The following PKD1 variants were observed in gnomAD, a reference collection of about 807,000 sequenced individuals.
The protein encoded by PKD1 is polycystin-1.
Under a neutral mutation model 361.7 loss-of-function variants are expected in PKD1, and 81 were observed. That is an observed-to-expected ratio of 0.22 (90% CI 0.19 to 0.27). The LOEUF (loss-of-function observed/expected upper bound fraction) is 0.27, where lower values mean the gene tolerates loss of function less well. Among genes scored for constraint, PKD1 ranks in the 10% least tolerant of loss-of-function variants. The pLI is 1.00. For synonymous variants in PKD1, 3,615 were observed against 2,818.3 expected (o/e 1.28, Z -8.95); for missense variants, 6,399 against 6,118.3 (o/e 1.05, Z -1.53).
rs2092390282 is a variant in PKD1, at chr16:2,107,666, C to T, written c.7065+217G>A. ...TTGCTAGGGGACTGTGTAGCTTTTGCCACTAGAGCATATGTGGCTTGAAGA... is the reference window on the plus strand; with the variant it reads ...TTGCTAGGGGACTGTGTAGCTTTTGTCACTAGAGCATATGTGGCTTGAAGA... On this transcript the variant is annotated intron_variant, in intron 16 of 45. Coordinates refer to ENST00000262304, the MANE Select transcript of PKD1 (RefSeq NM_001009944.3). 17 of 626,940 alleles carry T rather than the reference C, an allele frequency of 2.7e-5. No individual in the cohort carries two copies. In the East Asian group the frequency reaches 3.9e-4, roughly 14 times the overall value. The allele number at this position is 626,940 out of a possible 1,614,324, so 38.8% of individuals were successfully genotyped here.
In PKD1 at chr16:2,088,801, G is replaced by GGT; in HGVS notation, c.*924_*925dup. On this transcript the variant is annotated 3_prime_UTR_variant, in exon 46 of 46. Transcript: ENST00000262304. ...TAGAAGCGGCCATGCCCACAGAAGT[G>GGT]GTACACAGAAGCAGGCACAGCCAGC... The GGT allele has an allele frequency of 1.3e-6, 1 of 770,896 alleles. No homozygotes were observed. The highest frequency in any genetic ancestry group is 1.8e-5 in the South Asian group (1 of 54,456). The allele number at this position is 770,896 out of a possible 1,614,324, so 47.8% of individuals were successfully genotyped here. A position where few individuals can be genotyped will look rare whatever the true frequency, so the allele number is the denominator to read the frequency against.
rs748581035 is a variant in PKD1, at chr16:2,090,833, T to C, written c.12004-25A>G. ...CCTGCGGACGAGAAATCTGTCTGCT[T>C]GCAGCCCTGGGGTGTGCGCCCAGCC... On this transcript the variant is annotated intron_variant, in intron 43 of 45. Coordinates refer to ENST00000262304, the MANE Select transcript of PKD1 (RefSeq NM_001009944.3). The C allele has an allele frequency of 1.9e-6, 3 of 1,611,460 alleles. No individual in the cohort carries two copies. In the African/African-American group the frequency reaches 4.0e-5, roughly 22 times the overall value.
intron 40 of PKD1, 50 bp from the exon 41 acceptor site, chr16:2,091,956 C>T (rs1174809560): frequency 6.2e-7 from 1 of 1,611,854 alleles, no homozygotes; most frequent in South Asian, 1.1e-5. Flanking sequence ...TTCCGGCACC[C>T]CGGAGCCAGG....
intron 7 of PKD1, 75 bp from the exon 8 acceptor site, chr16:2,116,719 C>A (rs186815115): frequency 5.9e-6 from 7 of 1,189,080 alleles, no homozygotes; most frequent in African/African-American, 1.5e-5. Context: ...GGGACCGAGC[C>A]GCCCGAAAAC....
Position 2,110,530 on chromosome 16 carries a change from C to T in PKD1, c.4637G>A (p.Arg1546Gln), listed in dbSNP as rs371196452. ...SEAWLNVTVK[R>Q]RVRGLVVNAS... ...ATTGACGACGAGCCCCCGCACGCGC[C>T]GCTTCACCGTCACATTGAGCCAGGC... The change falls in exon 15 of 46, where the codon CGG becomes CAG. Residue 1546 changes from arginine to glutamine, a missense_variant. Transcript: ENST00000262304. 32 of 1,611,568 alleles carry T rather than the reference C, an allele frequency of 2.0e-5. No individual in the cohort carries two copies. Among genetic ancestry groups the T allele is most frequent in the South Asian group, 1.3e-4 (12 of 91,044 alleles).
At position 2,106,010 on chromosome 16, in the gene PKD1, G is replaced by A; in HGVS notation, c.7718C>T (p.Thr2573Ile). Reference protein sequence around the residue: ...VVALNRSLAITLPEPNGSATG... With the variant: ...VVALNRSLAIILPEPNGSATG... ...TGCGCTGCCGTTGGGCTCTGGGAGG[G>A]TGATGGCCAAAGACCTACGAGCAGA... is the stretch of plus-strand genomic sequence containing the variant. Residue 2573 changes from threonine (T) to isoleucine (I), a missense_variant, in exon 20 of 46, where the codon ACC becomes ATC. Physicochemically the swap from Thr to Ile is moderately conservative, Grantham distance 89 (BLOSUM62 -1). Transcript: ENST00000262304. This position sits in a 1 kb window ranked among gnomAD's most constrained non-coding sequence, Gnocchi z 6.5. 3 of 1,605,712 alleles carry A rather than the reference G, an allele frequency of 1.9e-6. No homozygotes were observed. The highest frequency in any genetic ancestry group is 2.3e-4 in the Middle Eastern group (1 of 4,426).
chr16:2,088,834 G>A lies in PKD1; in HGVS notation c.*893C>T, dbSNP rs1192763886. The A allele has an allele frequency of 1.6e-6, 1 of 612,918 alleles. No individual in the cohort carries two copies. The highest frequency in any genetic ancestry group is 2.8e-6 in the Non-Finnish European group (1 of 353,626). The allele number at this position is 612,918 out of a possible 1,614,324, so 38.0% of individuals were successfully genotyped here. A position where few individuals can be genotyped will look rare whatever the true frequency, so the allele number is the denominator to read the frequency against. On this transcript the variant is annotated 3_prime_UTR_variant, in exon 46 of 46. Transcript: ENST00000262304. ...GAAGCAGGCACAGCCAGCTCCGAGG[G>A]CCTTGAGGCTGCCTGGGCCATACAG...
At position 2,088,923 on chromosome 16, in the gene PKD1, C is replaced by T; in HGVS notation, c.*804G>A. The T allele has an allele frequency of 5.2e-6, 2 of 385,846 alleles. No homozygotes were observed. The highest frequency in any genetic ancestry group is 4.3e-5 in the Admixed American group (1 of 23,380). The allele number at this position is 385,846 out of a possible 1,614,324, so 23.9% of individuals were successfully genotyped here. On this transcript the variant is annotated 3_prime_UTR_variant, in exon 46 of 46. Transcript: ENST00000262304. ...CAGTCACCTTCCTCCACCCTGGGAG[C>T]CAGCCCCCAGGAGGAGTCTTTTCCT...
At chr16:2,090,834 G>A (rs368458143) in intron 43 of PKD1, 26 bp from the exon 44 acceptor site, 11 of 1,611,286 alleles carry the variant, frequency 6.8e-6, no homozygotes, top group South Asian at 1.1e-5. Context: ...CTGTCTGCTT[G>A]CAGCCCTGGG....
intron 1 of PKD1, among the ~76,000 whole-genome samples, chr16:2,126,921 T>C (rs2092806755): frequency 6.6e-6 from 1 of 151,986 alleles, no homozygotes; most frequent in African/African-American, 2.4e-5. Flanking sequence ...GACCCACATT[T>C]GGCAGCGGTG....
chr16:2,106,242 G>A lies in PKD1; in HGVS notation c.7552C>T (p.Arg2518Cys), dbSNP rs769524477. The A allele has an allele frequency of 8.6e-5, 139 of 1,610,112 alleles. No individual in the cohort carries two copies. The highest frequency in any genetic ancestry group is 1.1e-4 in the South Asian group (10 of 90,972). ...LVYALLLRRC[R>C]QGHCEEFCVY... is the part of the protein sequence containing the mutation. ...CAGAACTCCTCGCAGTGGCCCTGGC[G>A]ACAGCGCCGCAGCAGCAGGGCGTAC... Residue 2518 changes from arginine to cysteine, a missense_variant, in exon 19 of 46, where the codon CGC becomes TGC. Coordinates refer to ENST00000262304, the MANE Select transcript of PKD1 (RefSeq NM_001009944.3). The surrounding 1 kb of genome is among the most constrained non-coding windows in gnomAD (Gnocchi z 6.5).
chr16:2,094,077 G>A lies in PKD1; in HGVS notation c.10618+15C>T, dbSNP rs201131291. 6.3e-7 allele frequency: 1 copy of A among 1,586,256 alleles called. No individual in the cohort carries two copies. ...AGGGAGGGGCTAGGGGCATCCCGGG[G>A]CTACGCAAGCACACCTGTCCTGGAC... On this transcript the variant is annotated intron_variant, in intron 35 of 45. Transcript: ENST00000262304.
Position 2,102,104 on chromosome 16 carries a change from G to A in PKD1, c.9354C>T (p.Phe3118=). 3.2e-6 allele frequency: 5 copies of A among 1,568,242 alleles called. No homozygotes were observed. Among genetic ancestry groups the A allele is most frequent in the Non-Finnish European group, 4.3e-6 (5 of 1,150,822 alleles). ...CTGTCTTGACGAGGATCTCGTACTTGAAGCGGCCCCGCTGCCCACAGAAAG... is the reference window on the plus strand; with the variant it reads ...CTGTCTTGACGAGGATCTCGTACTTAAAGCGGCCCCGCTGCCCACAGAAAG... ...AIPFCGQRGR[F]KYEILVKTGW... The change falls in exon 26 of 46, where the codon TTC becomes TTT. Residue 3118 remains phenylalanine (F), a synonymous_variant. Transcript: ENST00000262304.
Position 2,091,411 on chromosome 16 carries a change from G to T in PKD1, c.11712+12C>A. On this transcript the variant is annotated intron_variant, in intron 42 of 45. Transcript: ENST00000262304. ...GGTGGGAGGCGCGGGGTCTGGCCGG[G>T]GACGGGCGTACCGAGGTGAGCAGAG... 1 of 1,140,818 alleles carries T rather than the reference G, an allele frequency of 8.8e-7. No homozygotes were observed. The highest frequency in any genetic ancestry group is 4.9e-5 in the East Asian group (1 of 20,352). 70.7% of individuals were successfully genotyped at this position (1,140,818 alleles called of 1,614,324 possible).
chr16:2,108,567 G>A lies in PKD1; in HGVS notation c.6600C>T (p.Arg2200=), dbSNP rs1478866464. Residue 2200 remains arginine (R), a synonymous_variant, in exon 15 of 46, where the codon CGC becomes CGT. Coordinates refer to ENST00000262304, the MANE Select transcript of PKD1 (RefSeq NM_001009944.3). The part of the protein sequence containing the change: ...YRTASCQRPG[R]PARVALPGVD... ...CGCCGGGCAGGGCCACACGCGCTGGGCGCCCCGGCCGCTGGCAGCTGGCGG... is the reference window on the plus strand; with the variant it reads ...CGCCGGGCAGGGCCACACGCGCTGGACGCCCCGGCCGCTGGCAGCTGGCGG... The A allele has an allele frequency of 4.4e-6, 7 of 1,575,366 alleles. No individual in the cohort carries two copies. The highest frequency in any genetic ancestry group is 6.0e-6 in the Non-Finnish European group (7 of 1,160,818).
In PKD1 at chr16:2,115,798, G is replaced by A. The variant is rs566129236; in HGVS notation, c.1850-173C>T. On this transcript the variant is annotated intron_variant, in intron 9 of 45. Coordinates refer to ENST00000262304, the MANE Select transcript of PKD1 (RefSeq NM_001009944.3). ...TCCGGCCAGCCGACTGACCCAGGCC[G>A]GCCCCCAGGCAGGCCCCACCCAATC... Among the ~76,000 whole-genome samples the A allele has an allele frequency of 3.1e-3, 467 of 152,270 alleles. 2 individuals are homozygous for A. Among genetic ancestry groups the A allele is most frequent in the African/African-American group, 0.01 (434 of 41,546 alleles).
In PKD1 at chr16:2,108,522, C is replaced by T. The variant is rs1189145676; in HGVS notation, c.6645G>A (p.Arg2215=). The T allele has an allele frequency of 1.2e-6, 2 of 1,609,058 alleles. No individual in the cohort carries two copies. Among genetic ancestry groups the T allele is most frequent in the Non-Finnish European group, 1.7e-6 (2 of 1,179,102 alleles). The change falls in exon 15 of 46, where the codon CGG becomes CGA. Residue 2215 remains arginine (R), a synonymous_variant. Transcript: ENST00000262304. ...GCAGCGCCAGCCGCGGCAGCACCAGCCGAGGCCGGCTCACGTCCACGCCGG... is the reference window on the plus strand; with the variant it reads ...GCAGCGCCAGCCGCGGCAGCACCAGTCGAGGCCGGCTCACGTCCACGCCGG... ...ALPGVDVSRP[R]LVLPRLALPV... is the part of the protein sequence containing the mutation.
rs760879762 is a variant in PKD1, at chr16:2,105,951, C to T, written c.7777G>A (p.Ala2593Thr). ...CGCAGCAGCCCTGGGAGCACACTAG[C>T]GGTGAGCCCGTGCAGCCAGACTGTG... Reference protein sequence around the residue: ...GLTVWLHGLTASVLPGLLRQA... With the variant: ...GLTVWLHGLTTSVLPGLLRQA... The change falls in exon 20 of 46, where the codon GCT becomes ACT. Residue 2593 changes from alanine to threonine, a missense_variant. By Grantham distance (58) the Ala-to-Thr change is moderately conservative. Transcript: ENST00000262304. 2.0e-5 allele frequency: 32 copies of T among 1,599,010 alleles called. No homozygotes were observed. In the Admixed American group the frequency reaches 3.7e-4, roughly 18 times the overall value.
In PKD1 at chr16:2,097,912, C is replaced by T. The variant is rs371283948; in HGVS notation, c.10123G>A (p.Val3375Met). ...LDIDSCLDSS[V>M]LDSSFLTFSG... ...AACGTGAGGAAGGAGCTGTCCAGCA[C>T]GGACGAGTCCAGGCAGCTGTCGATG... is the stretch of plus-strand genomic sequence containing the variant. Residue 3375 changes from valine to methionine, a missense_variant, in exon 31 of 46, where the codon GTG (valine) becomes ATG (methionine). Transcript: ENST00000262304. 97 of 1,604,302 alleles carry T rather than the reference C, an allele frequency of 6.0e-5. No homozygotes were observed. Among genetic ancestry groups the T allele is most frequent in the Middle Eastern group, 2.3e-4 (1 of 4,424 alleles).
Sources: gnomAD v4.1 joint callset for allele counts (sites outside exome capture counted in the v4.1 genomes callset) on GRCh38, gnomAD v4.1.1 for gene constraint, Gnocchi (gnomAD v3.1) non-coding constraint, MANE v1.5 for transcripts, NCBI Gene and HGNC (gene_info 2026-07-23, HGNC 2026-07-21) for gene names.